Variants in SNX29 observed in about 807,000 individuals in gnomAD.
The protein encoded by SNX29 is sorting nexin 29.
Under a neutral mutation model 102.1 loss-of-function variants are expected in SNX29, and 78 were observed. The ratio of observed to expected loss-of-function variants is 0.76; its 90% CI spans 0.64 to 0.92. The LOEUF (loss-of-function observed/expected upper bound fraction) is 0.92. Among genes scored for constraint, SNX29 ranks in the 40% least tolerant of loss-of-function variants. The probability of loss-of-function intolerance (pLI) is 0.00; values close to 1 mark genes in which losing one functional copy is unlikely to be tolerated. For missense variants in SNX29, 1,280 were observed against 1,061.7 expected, an observed-to-expected ratio of 1.21 and a Z score of -2.86; for synonymous variants, 580 against 414.5, an observed-to-expected ratio of 1.40 and a Z score of -4.85.
intron 15 of SNX29, among the ~76,000 whole-genome samples, chr16:12,347,443 A>G (rs1203273690): frequency 6.6e-6 from 1 of 152,064 alleles, no homozygotes; most frequent in Non-Finnish European, 1.5e-5. Flanking sequence ...GACTCCAAAG[A>G]TGGGAGATGC....
intron 14 of SNX29, 24 bp downstream of exon 14, chr16:12,199,707 T>C: frequency 6.2e-7 from 1 of 1,602,610 alleles, no homozygotes; most frequent in Non-Finnish European, 8.5e-7. Flanking sequence ...TGAGCCCGGG[T>C]TGGGAGGGGC....
intron 20 of SNX29, among the ~76,000 whole-genome samples, chr16:12,534,600 C>A (rs2160573): frequency 6.6e-6 from 1 of 152,188 alleles, no homozygotes; most frequent in Non-Finnish European, 1.5e-5. Context: ...GTATTGTCAC[C>A]TGTTAAATTC....
intron 16 of SNX29, among the ~76,000 whole-genome samples, chr16:12,387,791 G>A (rs1420703557): frequency 6.6e-6 from 1 of 152,124 alleles, no homozygotes; most frequent in Non-Finnish European, 1.5e-5. Context: ...AAACTAATCA[G>A]TGAAGAGCTT....
chr16:12,543,549 G>A lies in SNX29; in HGVS notation c.2318+18708G>A, dbSNP rs1025130973. 1.1e-4 allele frequency among the ~76,000 whole-genome samples: 16 copies of A among 152,232 alleles called. No individual in the cohort carries two copies. In the East Asian group the frequency reaches 1.9e-3, roughly 18 times the overall value. ...TGACACCTTTGGCCCAGACTTCCAC[G>A]CCCACTGAGCCACGAGATCACGCTT... On this transcript the variant is annotated intron_variant, in intron 20 of 20. Coordinates refer to ENST00000566228, the MANE Select transcript of SNX29 (RefSeq NM_032167.5).
intron 19 of SNX29, among the ~76,000 whole-genome samples, chr16:12,518,371 G>A (rs1375665869): frequency 2.6e-5 from 4 of 152,184 alleles, no homozygotes; most frequent in South Asian, 2.1e-4. Context: ...GCTGCCTCCT[G>A]TTCCAGCAAG....
chr16:12,567,711 A>G (rs981409863), intron 20 of SNX29, among the ~76,000 whole-genome samples: 1 of 152,148 alleles, frequency 6.6e-6, no homozygotes, highest in Non-Finnish European at 1.5e-5. Flanking sequence ...GCAGCAAGTT[A>G]TCATTACACG....
intron 16 of SNX29, among the ~76,000 whole-genome samples, chr16:12,386,848 G>A (rs2083358818): frequency 6.6e-6 from 1 of 150,574 alleles, no homozygotes; most frequent in African/African-American, 2.4e-5. Flanking sequence ...ACCTAGGTCG[G>A]GCGTGGTGAC....
rs930842430 is a variant in SNX29, at chr16:12,519,082, C to T, written c.2179-5620C>T. Among the ~76,000 whole-genome samples the T allele has an allele frequency of 3.7e-4, 57 of 152,168 alleles. 1 individual carries two copies. Among genetic ancestry groups the T allele is most frequent in the Admixed American group, 3.1e-3 (48 of 15,280 alleles). ...TGCTATGTGGTCCGCTAATCAGGCACTCCCGGCTTAGCCCCTACCCACTGG... is the reference window on the plus strand; with the variant it reads ...TGCTATGTGGTCCGCTAATCAGGCATTCCCGGCTTAGCCCCTACCCACTGG... On this transcript the variant is annotated intron_variant, in intron 19 of 20. Transcript: ENST00000566228.
intron 20 of SNX29, among the ~76,000 whole-genome samples, chr16:12,532,800 C>T (rs906490040): frequency 1.3e-5 from 2 of 152,120 alleles, no homozygotes; most frequent in East Asian, 1.9e-4. Context: ...GGAGGAGGTG[C>T]GAAAGCTGAA....
chr16:12,126,029 C>T (rs112640233), intron 11 of SNX29, among the ~76,000 whole-genome samples: 3,844 of 152,232 alleles, frequency 0.025, 96 homozygotes, highest in African/African-American at 0.064. Flanking sequence ...GAAAATTCTA[C>T]TATCTAGTCT....
At chr16:12,157,256 C>T (rs1243789859) in intron 13 of SNX29, among the ~76,000 whole-genome samples, 4 of 152,184 alleles carry the variant, frequency 2.6e-5, no homozygotes, top group Admixed American at 6.5e-5. Flanking sequence ...TGCTTCCACA[C>T]TATCCAGCAG....
intron 15 of SNX29, among the ~76,000 whole-genome samples, chr16:12,333,140 C>A (rs1263362472): frequency 8.8e-6 from 1 of 113,202 alleles, no homozygotes; most frequent in Non-Finnish European, 1.7e-5. Context: ...GAGTCTTGTT[C>A]TGTTGTCCAG....
At chr16:12,248,515 C>A (rs1278215970) in intron 14 of SNX29, among the ~76,000 whole-genome samples, 1 of 151,990 alleles carries the variant, frequency 6.6e-6, no homozygotes, top group East Asian at 1.9e-4. Flanking sequence ...CCTGCCTCAG[C>A]CTCCTGAGCG....
chr16:12,560,869 T>G, intron 20 of SNX29: 1 of 186,304 alleles, frequency 5.4e-6, no homozygotes. Context: ...GTGTTAGTCC[T>G]TTAGTTCAAG....
intron 1 of SNX29, among the ~76,000 whole-genome samples, chr16:11,995,139 C>T (rs952175977): frequency 9.2e-5 from 14 of 152,176 alleles, no homozygotes; most frequent in African/African-American, 3.4e-4. Flanking sequence ...AATCTTGGCT[C>T]ACTGTAACCT....
At chr16:12,542,120 G>C (rs1274877843) in intron 20 of SNX29, among the ~76,000 whole-genome samples, 1 of 152,008 alleles carries the variant, frequency 6.6e-6, no homozygotes, top group Admixed American at 6.5e-5. Context: ...CCTAAATTGA[G>C]CCAGCATTTC....
chr16:12,002,890 C>T (rs146414387), intron 2 of SNX29, 101 bp from the exon 3 acceptor site: 15 of 1,333,486 alleles, frequency 1.1e-5, no homozygotes, highest in Admixed American at 1.8e-5. Flanking sequence ...CTTCTGGTCC[C>T]GTGTCCCCTC....
chr16:12,555,486 G>T lies in SNX29; in HGVS notation c.2319-13020G>T, dbSNP rs56907816. ...GTTGACATGTCTGAGGACGTCTTTC[G>T]TTGTGGGGAGTCACGCAGGGATTGA... On this transcript the variant is annotated intron_variant, in intron 20 of 20. Coordinates refer to ENST00000566228, the MANE Select transcript of SNX29 (RefSeq NM_032167.5). Among the ~76,000 whole-genome samples the T allele has an allele frequency of 1.1e-3, 170 of 151,436 alleles. 1 individual carries two copies. The highest frequency in any genetic ancestry group is 3.6e-3 in the African/African-American group (148 of 41,042).
chr16:12,446,707 T>G (rs1446998435), intron 18 of SNX29, among the ~76,000 whole-genome samples: 1 of 152,186 alleles, frequency 6.6e-6, no homozygotes, highest in African/African-American at 2.4e-5. Flanking sequence ...TACTCAACAC[T>G]TAACATGGAT....
Sources: allele counts gnomAD v4.1 joint callset (sites outside exome capture counted in the v4.1 genomes callset), GRCh38; gene constraint gnomAD v4.1.1; transcripts MANE v1.5; gene names NCBI Gene and HGNC (gene_info 2026-07-23, HGNC 2026-07-21).